Variants in GSE1 observed in about 807,000 individuals in gnomAD.
GSE1 encodes the protein genetic suppressor element 1.
A neutral mutation model predicts 112.6 loss-of-function variants in GSE1; 32 were observed. The ratio of observed to expected loss-of-function variants is 0.28; its 90% CI spans 0.21 to 0.38. The LOEUF is 0.38. Among genes scored for constraint, GSE1 ranks in the 10% least tolerant of loss-of-function variants. GSE1 has a pLI of 1.00. For synonymous variants in GSE1, 1,115 were observed against 735.6 expected, an observed-to-expected ratio of 1.52 and a Z score of -8.35; for missense variants, 2,348 against 1,699.2, an observed-to-expected ratio of 1.38 and a Z score of -6.71.
chr16:85,584,023 T>C (rs1290728068), intron 1 of GSE1, among the ~76,000 whole-genome samples: 1 of 152,232 alleles, frequency 6.6e-6, no homozygotes, highest in Non-Finnish European at 1.5e-5. Flanking sequence ...GCCCTAATTA[T>C]GGAGCTGGAG....
chr16:85,483,927 C>T lies in GSE1; in HGVS notation c.2464+126284C>T, dbSNP rs77260647. 8.7e-3 allele frequency among the ~76,000 whole-genome samples: 1,326 copies of T among 152,336 alleles called. 23 individuals carry two copies. Among genetic ancestry groups the T allele is most frequent in the African/African-American group, 0.031 (1,273 of 41,570 alleles). On this transcript the variant is annotated intron_variant, in intron 2 of 2. Coordinates refer to the GSE1 transcript ENST00000637419. ...GGGTACAACTCTGCTGCCATCCTCT[C>T]AGCTGGGACAGTGGGGGACTTTCAG... is the stretch of plus-strand genomic sequence containing the variant.
intron 2 of GSE1, among the ~76,000 whole-genome samples, chr16:85,400,957 TC>T (rs1165457879): frequency 6.6e-6 from 1 of 152,142 alleles, no homozygotes; most frequent in Non-Finnish European, 1.5e-5. Flanking sequence ...ACCTTGCGCA[TC>T]TGTGTGTGTG....
intron 2 of GSE1, among the ~76,000 whole-genome samples, chr16:85,533,432 AAAAC>A (rs142545310): frequency 0.037 from 5,691 of 152,176 alleles, 247 homozygotes; most frequent in African/African-American, 0.11. Flanking sequence ...AAAAACACAA[AAAAC>A]AAACAAACAA....
At chr16:85,619,594 G>A (rs751478940) in intron 1 of GSE1, among the ~76,000 whole-genome samples, 15 of 152,298 alleles carry the variant, frequency 9.8e-5, no homozygotes, top group Non-Finnish European at 7.4e-5. Context: ...ATGGTGTGCC[G>A]GCCAGGTCTT....
At chr16:85,353,195 C>T (rs1258143231) in intron 1 of GSE1, among the ~76,000 whole-genome samples, 1 of 152,098 alleles carries the variant, frequency 6.6e-6, no homozygotes, top group African/African-American at 2.4e-5. Flanking sequence ...GTTTGTTGGC[C>T]AGGACGCAGT....
chr16:85,514,074 T>A (rs1355652051), intron 2 of GSE1, among the ~76,000 whole-genome samples: 2 of 149,388 alleles, frequency 1.3e-5, no homozygotes, highest in Non-Finnish European at 1.5e-5. Context: ...AAAGAGGGAG[T>A]CTCCCTTGGG....
chr16:85,489,290 G>T (rs2151890180), intron 2 of GSE1, among the ~76,000 whole-genome samples: 1 of 151,932 alleles, frequency 6.6e-6, no homozygotes, highest in East Asian at 1.9e-4. Flanking sequence ...TGTTGAGCCG[G>T]GCCGGTGAGA....
chr16:85,419,338 C>G lies in GSE1; in HGVS notation c.2464+61695C>G, dbSNP rs112926867. On this transcript the variant is annotated intron_variant, in intron 2 of 2. Transcript: ENST00000637419. This position sits in a 1 kb window ranked among gnomAD's most constrained non-coding sequence, Gnocchi z 6.5. ...TTTGAGAATATACCAGATGGCCGGG[C>G]GTGGTGGCTCGTGCCTATAATCCCA... Among the ~76,000 whole-genome samples, 2 of 152,070 alleles carry G rather than the reference C, an allele frequency of 1.3e-5. No homozygotes were observed. The highest frequency in any genetic ancestry group is 1.5e-5 in the Non-Finnish European group (1 of 68,006).
intron 3 of GSE1, among the ~76,000 whole-genome samples, chr16:85,652,476 C>G (rs1462812474): frequency 3.3e-5 from 5 of 152,188 alleles, no homozygotes; most frequent in Non-Finnish European, 7.4e-5. Context: ...CAGGAGGACC[C>G]TACAGAGAAG....
At chr16:85,526,609 G>A (rs2052372406) in intron 2 of GSE1, among the ~76,000 whole-genome samples, 1 of 152,218 alleles carries the variant, frequency 6.6e-6, no homozygotes, top group Admixed American at 6.5e-5. Flanking sequence ...GTGGGATGTG[G>A]GTGGAGAGCA....
intron 1 of GSE1, among the ~76,000 whole-genome samples, chr16:85,633,490 G>A (rs1390993324): frequency 5.3e-5 from 8 of 152,218 alleles, no homozygotes; most frequent in East Asian, 1.9e-4. Context: ...TCGTCCCTGG[G>A]CCTCTCCACC....
chr16:85,232,678 G>C (rs1195703213), intron 1 of GSE1, among the ~76,000 whole-genome samples: 1 of 152,192 alleles, frequency 6.6e-6, no homozygotes, highest in African/African-American at 2.4e-5. Flanking sequence ...CAGCCAGTGG[G>C]GTCCTGCGAA....
At chr16:85,198,611 C>T (rs1283423377) in intron 1 of GSE1, among the ~76,000 whole-genome samples, 1 of 152,076 alleles carries the variant, frequency 6.6e-6, no homozygotes, top group East Asian at 1.9e-4. Flanking sequence ...TGCCGTCTTC[C>T]CTGGACAGTG....
At chr16:85,468,025 T>C (rs2050173856) in intron 2 of GSE1, among the ~76,000 whole-genome samples, 1 of 152,146 alleles carries the variant, frequency 6.6e-6, no homozygotes, top group South Asian at 2.1e-4. Context: ...TGAGGGCTCC[T>C]TCTCTGCCCA....
At chr16:85,343,030 G>A (rs1198401448) in intron 1 of GSE1, among the ~76,000 whole-genome samples, 2 of 152,016 alleles carry the variant, frequency 1.3e-5, no homozygotes, top group African/African-American at 4.8e-5. Context: ...GCCTGGGGGT[G>A]CAGAGGGAGC....
At chr16:85,374,535 T>TGA (rs1448425816) in intron 2 of GSE1, among the ~76,000 whole-genome samples, 1 of 20,976 alleles carries the variant, frequency 4.8e-5, no homozygotes. Context: ...CGTGTGTGTG[T>TGA]GTGTGTGTGC....
At chr16:85,279,054 T>A (rs1461818183) in intron 1 of GSE1, 1 of 152,284 alleles carries the variant, frequency 6.6e-6, no homozygotes, top group African/African-American at 2.4e-5. Flanking sequence ...TTATCGTCCT[T>A]GATAGGGACA....
chr16:85,671,470 G>A (rs1485111580), intron 15 of GSE1, among the ~76,000 whole-genome samples: 1 of 130,466 alleles, frequency 7.7e-6, no homozygotes. Flanking sequence ...TCAAAATTTG[G>A]ACTGCATGCA....
chr16:85,330,486 G>T (rs978616885), intron 1 of GSE1, among the ~76,000 whole-genome samples: 2 of 152,208 alleles, frequency 1.3e-5, no homozygotes, highest in Non-Finnish European at 2.9e-5. Context: ...TGTGTTGTTA[G>T]AGCCATTGTT....
Sources: gnomAD v4.1 joint callset for allele counts (sites outside exome capture counted in the v4.1 genomes callset) on GRCh38, gnomAD v4.1.1 for gene constraint, Gnocchi (gnomAD v3.1) non-coding constraint, MANE v1.5 for transcripts, NCBI Gene and HGNC (gene_info 2026-07-23, HGNC 2026-07-21) for gene names.